Variants in UBE3A observed in about 807,000 individuals in gnomAD.
UBE3A encodes the protein ubiquitin protein ligase E3A, also known as ubiquitin-protein ligase E3A.
Under a neutral mutation model 83.4 loss-of-function variants are expected in UBE3A, and 6 were observed. That is an observed-to-expected ratio of 0.07 (90% CI 0.04 to 0.14). The LOEUF (loss-of-function observed/expected upper bound fraction) is 0.14, where lower values mean the gene tolerates loss of function less well. Ranked by LOEUF, UBE3A falls within the 10% of genes least tolerant of loss-of-function variation. The pLI, the probability that UBE3A is intolerant of heterozygous loss-of-function variation, is 1.00. For synonymous variants in UBE3A, 337 were observed against 355.4 expected (o/e 0.95, Z 0.58); for missense variants, 456 against 1,036.1 (o/e 0.44, Z 7.69).
chr15:25,411,270 T>C (rs2089940781), intron 2 of UBE3A, among the ~76,000 whole-genome samples: 1 of 152,220 alleles, frequency 6.6e-6, no homozygotes, highest in Non-Finnish European at 1.5e-5. Context: ...AACATCTAAG[T>C]ATCTCAGAAC....
At chr15:25,366,987 A>G (rs983984021) in intron 6 of UBE3A, among the ~76,000 whole-genome samples, 10 of 151,512 alleles carry the variant, frequency 6.6e-5, no homozygotes, top group Non-Finnish European at 1.0e-4. Flanking sequence ...TCCCATTCAG[A>G]TGTGAAGGCA....
intron 4 of UBE3A, among the ~76,000 whole-genome samples, chr15:25,387,476 C>T (rs1279425061): frequency 6.6e-6 from 1 of 151,640 alleles, no homozygotes; most frequent in Non-Finnish European, 1.5e-5. Flanking sequence ...GAGCCGAGAT[C>T]GAGCCACTGC....
At chr15:25,402,128 G>C (rs2087291815) in intron 4 of UBE3A, among the ~76,000 whole-genome samples, 1 of 152,174 alleles carries the variant, frequency 6.6e-6, no homozygotes, top group African/African-American at 2.4e-5. Flanking sequence ...GTAGTCATGT[G>C]TTGGCACCTG....
intron 6 of UBE3A, among the ~76,000 whole-genome samples, chr15:25,369,146 G>T (rs1488241130): frequency 6.6e-6 from 1 of 152,064 alleles, no homozygotes; most frequent in Non-Finnish European, 1.5e-5. Flanking sequence ...AAAGTAAGGT[G>T]CTGGCTGCCT....
At chr15:25,399,076 T>A (rs1167175052) in intron 4 of UBE3A, among the ~76,000 whole-genome samples, 1 of 151,888 alleles carries the variant, frequency 6.6e-6, no homozygotes, top group Non-Finnish European at 1.5e-5. Context: ...TTGAGATGTC[T>A]GAGTTCCTTA....
chr15:25,415,801 G>A (rs1431311909), intron 1 of UBE3A: 3 of 133,710 alleles, frequency 2.2e-5, no homozygotes, highest in African/African-American at 8.4e-5. Context: ...TTTACTTTTC[G>A]TAATAATGGT....
rs1162960424 is a variant in UBE3A, at chr15:25,335,817, A to C, written c.*3320T>G. On this transcript the variant is annotated 3_prime_UTR_variant, in exon 13 of 13. Transcript: ENST00000648336. Reference sequence around the variant, plus strand: ...AGAGGGAACTGGGCAAGAACAGGTAAGGACTTTAAGCAGAATTGGAGGAGT... The same window carrying C: ...AGAGGGAACTGGGCAAGAACAGGTACGGACTTTAAGCAGAATTGGAGGAGT... The C allele has an allele frequency of 6.6e-6, 1 of 152,220 alleles. No individual in the cohort carries two copies. Among genetic ancestry groups the C allele is most frequent in the East Asian group, 1.9e-4 (1 of 5,192 alleles). The allele number at this position is 152,220 out of a possible 1,614,324, so 9.4% of individuals were successfully genotyped here.
intron 5 of UBE3A, chr15:25,373,968 C>T (rs917171578): frequency 6.6e-6 from 1 of 152,148 alleles, no homozygotes; most frequent in African/African-American, 2.4e-5. Flanking sequence ...AAATTTTGCA[C>T]TTAAAAACCT....
At position 25,338,894 on chromosome 15, in the gene UBE3A, TTATAA is replaced by T. The variant is rs2074245368; in HGVS notation, c.*238_*242del. The T allele has an allele frequency of 1.4e-5, 3 of 211,134 alleles. No homozygotes were observed. Among genetic ancestry groups the T allele is most frequent in the African/African-American group, 2.3e-5 (1 of 43,234 alleles). 13.1% of individuals were successfully genotyped at this position (211,134 alleles called of 1,614,324 possible). On this transcript the variant is annotated 3_prime_UTR_variant, in exon 13 of 13. Coordinates refer to ENST00000648336, the MANE Select transcript of UBE3A (RefSeq NM_130839.5). ...GTAACACTTTCACGCAAAAAAATAA[TTATAA>T]TAATAATAAAGGATTTGTTCATATA...
rs2074093525 is a variant in UBE3A at position 25,337,930 on chromosome 15, T to C, written c.*1207A>G. ...TAGTACATGAAAGTAACGTTTAACA[T>C]GTTTTGAATTAATTAATTAAATTTA... On this transcript the variant is annotated 3_prime_UTR_variant, in exon 13 of 13. Coordinates refer to ENST00000648336, the MANE Select transcript of UBE3A (RefSeq NM_130839.5). 6.6e-6 allele frequency: 1 copy of C among 152,190 alleles called. No individual in the cohort carries two copies. The highest frequency in any genetic ancestry group is 1.5e-5 in the Non-Finnish European group (1 of 68,018). The allele number at this position is 152,190 out of a possible 1,614,324, so 9.4% of individuals were successfully genotyped here. A position where few individuals can be genotyped will look rare whatever the true frequency, so the allele number is the denominator to read the frequency against.
intron 11 of UBE3A, among the ~76,000 whole-genome samples, chr15:25,341,226 C>G (rs563499060): frequency 1.7e-3 from 175 of 104,900 alleles, no homozygotes; most frequent in African/African-American, 6.4e-3. Flanking sequence ...CCTGCCACCA[C>G]GCCTGGCTAA....
intron 4 of UBE3A, among the ~76,000 whole-genome samples, chr15:25,395,563 A>G (rs2085359165): frequency 6.6e-6 from 1 of 152,216 alleles, no homozygotes; most frequent in Non-Finnish European, 1.5e-5. Flanking sequence ...AGGAGGGGAA[A>G]AAAGCTGTTA....
At chr15:25,423,772 T>C (rs1890512589) in intron 1 of UBE3A, among the ~76,000 whole-genome samples, 1 of 152,194 alleles carries the variant, frequency 6.6e-6, no homozygotes, top group African/African-American at 2.4e-5. Flanking sequence ...ATGCAATAAT[T>C]TATAAGAATT....
chr15:25,400,619 T>G (rs1203096287), intron 4 of UBE3A, among the ~76,000 whole-genome samples: 1 of 152,242 alleles, frequency 6.6e-6, no homozygotes, highest in Non-Finnish European at 1.5e-5. Context: ...TAATTTGTCA[T>G]TAATGTACAG....
chr15:25,374,306 A>G (rs1489014488), intron 5 of UBE3A: 2 of 152,292 alleles, frequency 1.3e-5, no homozygotes, highest in African/African-American at 4.8e-5. Context: ...CACGTGGCCA[A>G]AAGAGCAGAT....
chr15:25,356,617 T>A lies in UBE3A; in HGVS notation c.1959+74A>T. The stretch of plus-strand genomic sequence containing the variant: ...AAGATTCTAAACAAAAACTTTAAAA[T>A]TTTGACATAAATTAAATTTTTGCAT... On this transcript the variant is annotated intron_variant, in intron 8 of 12. Transcript: ENST00000648336. The A allele has an allele frequency of 2.1e-6, 3 of 1,453,702 alleles. No homozygotes were observed. The South Asian group carries it at 3.6e-5, about 18-fold the overall frequency. The allele number at this position is 1,453,702 out of a possible 1,614,324, so 90.1% of individuals were successfully genotyped here. A position where few individuals can be genotyped will look rare whatever the true frequency, so the allele number is the denominator to read the frequency against.
chr15:25,342,266 T>TA (rs1351924441), intron 11 of UBE3A, among the ~76,000 whole-genome samples: 1 of 152,016 alleles, frequency 6.6e-6, no homozygotes, highest in Non-Finnish European at 1.5e-5. Flanking sequence ...CTCTGAAGCT[T>TA]AACTGAACCA....
chr15:25,349,183 T>C (rs1394685896), intron 11 of UBE3A, among the ~76,000 whole-genome samples: 1 of 152,174 alleles, frequency 6.6e-6, no homozygotes, highest in East Asian at 1.9e-4. Context: ...AAAAGTCTCT[T>C]TAACAAATGG....
intron 1 of UBE3A, among the ~76,000 whole-genome samples, chr15:25,424,751 A>T (rs563117498): frequency 7.9e-5 from 12 of 152,228 alleles, no homozygotes; most frequent in Admixed American, 2.6e-4. Context: ...ATGAAATTTT[A>T]AAAAATTCAA....
Sources: gnomAD v4.1 joint callset for allele counts (sites outside exome capture counted in the v4.1 genomes callset) on GRCh38, gnomAD v4.1.1 for gene constraint, MANE v1.5 for transcripts, NCBI Gene and HGNC (gene_info 2026-07-23, HGNC 2026-07-21) for gene names.